CUTC: variants seen among roughly 807,000 people sequenced by gnomAD.
CUTC encodes the protein cutC copper transporter.
Under a neutral mutation model 36.2 loss-of-function variants are expected in CUTC, and 27 were observed. The ratio of observed to expected loss-of-function variants is 0.75; its 90% CI spans 0.55 to 1.03. CUTC has a LOEUF of 1.03. Ranked by LOEUF, CUTC falls within the 50% of genes least tolerant of loss-of-function variation. The probability of loss-of-function intolerance (pLI) is 0.00; values close to 1 mark genes in which losing one functional copy is unlikely to be tolerated. For synonymous variants in CUTC, 114 were observed against 118.3 expected (o/e 0.96, Z 0.24); for missense variants, 315 against 343.5 (o/e 0.92, Z 0.66).
intron 7 of CUTC, among the ~76,000 whole-genome samples, chr10:99,751,902 A>C (rs2037421728): frequency 1.3e-5 from 2 of 152,218 alleles, no homozygotes; most frequent in Non-Finnish European, 2.9e-5. Context: ...AAAATGTCCT[A>C]CTTTCTGGAT....
intron 7 of CUTC, among the ~76,000 whole-genome samples, chr10:99,751,701 T>A (rs2037419580): frequency 6.6e-6 from 1 of 151,990 alleles, no homozygotes; most frequent in South Asian, 2.1e-4. Flanking sequence ...CTACTAAAAA[T>A]ACAAAAATTA....
intron 2 of CUTC, among the ~76,000 whole-genome samples, chr10:99,739,478 A>G (rs1425009420): frequency 6.6e-6 from 1 of 152,096 alleles, no homozygotes; most frequent in Non-Finnish European, 1.5e-5. Context: ...ACAAAAATTT[A>G]AGAGAACTAG....
At chr10:99,750,131 T>C (rs1247892785) in intron 6 of CUTC, among the ~76,000 whole-genome samples, 2 of 152,076 alleles carry the variant, frequency 1.3e-5, no homozygotes, top group Non-Finnish European at 2.9e-5. Context: ...AAAATGGCAC[T>C]TATTGGGGGG....
At chr10:99,750,930 A>G (rs939330189) in intron 7 of CUTC, among the ~76,000 whole-genome samples, 2 of 152,246 alleles carry the variant, frequency 1.3e-5, no homozygotes, top group African/African-American at 4.8e-5. Context: ...CATAATGGCT[A>G]ACTAGAAATG....
chr10:99,755,929 TG>T lies in CUTC; in HGVS notation c.*191del, dbSNP rs1419800819. ...GAAACAGAGATACAGTCACTTCCTTTGCTTAGTCTTACCAGTGATTGTCATC... is the reference window on the plus strand; with the variant it reads ...GAAACAGAGATACAGTCACTTCCTTTCTTAGTCTTACCAGTGATTGTCATC... On this transcript the variant is annotated 3_prime_UTR_variant, in exon 9 of 9. Transcript: ENST00000370476. 3.7e-6 allele frequency: 2 copies of T among 535,306 alleles called. No individual in the cohort carries two copies. Among genetic ancestry groups the T allele is most frequent in the East Asian group, 6.0e-5 (2 of 33,194 alleles). 33.2% of individuals were successfully genotyped at this position (535,306 alleles called of 1,614,324 possible).
rs113741983 is a variant in CUTC, at chr10:99,741,811, A to G, written c.194-1342A>G. On this transcript the variant is annotated intron_variant, in intron 3 of 8. Coordinates refer to ENST00000370476, the MANE Select transcript of CUTC (RefSeq NM_015960.3). Reference sequence around the variant, plus strand: ...GGTCTTGAACTCCTTGCCTCAGGCAATCCACCCATCTCAGCCTCCCAAAGC... The same window carrying G: ...GGTCTTGAACTCCTTGCCTCAGGCAGTCCACCCATCTCAGCCTCCCAAAGC... 7.4e-3 allele frequency among the ~76,000 whole-genome samples: 1,130 copies of G among 152,242 alleles called. 8 individuals carry two copies. The highest frequency in any genetic ancestry group is 0.01 in the Non-Finnish European group (710 of 67,998).
rs2037420178 is a variant in CUTC, at chr10:99,751,766, GA to G, written c.601+1371del. The stretch of plus-strand genomic sequence containing the variant: ...CCAGCTACTTGGGAGGCTGAGGCAT[GA>G]GCATCACTTGAACCAAGGAGGCGGA... On this transcript the variant is annotated intron_variant, in intron 7 of 8. Coordinates refer to ENST00000370476, the MANE Select transcript of CUTC (RefSeq NM_015960.3). Among the ~76,000 whole-genome samples, 5 of 152,346 alleles carry G rather than the reference GA, an allele frequency of 3.3e-5. 1 individual carries two copies. The South Asian group carries it at 1.0e-3, about 32-fold the overall frequency.
intron 7 of CUTC, 149 bp downstream of exon 7, chr10:99,750,545 G>T (rs772429945): frequency 1.8e-5 from 9 of 492,094 alleles, no homozygotes; most frequent in African/African-American, 8.1e-5. Context: ...TGATTAAAAT[G>T]TTTAAAACTG....
chr10:99,734,845 A>G (rs938212012), intron 1 of CUTC, among the ~76,000 whole-genome samples: 4 of 152,090 alleles, frequency 2.6e-5, no homozygotes, highest in African/African-American at 4.8e-5. Context: ...GCTCATGCCT[A>G]TAATCCCAGC....
At position 99,755,812 on chromosome 10, in the gene CUTC, G is replaced by A; in HGVS notation, c.*73G>A. On this transcript the variant is annotated 3_prime_UTR_variant, in exon 9 of 9. Transcript: ENST00000370476. ...ATAATCTGCAATTCTCTATGACACA[G>A]CTTTAACCTTCTTCTCTGGCCAGGA... 6 of 961,606 alleles carry A rather than the reference G, an allele frequency of 6.2e-6. No homozygotes were observed. Among genetic ancestry groups the A allele is most frequent in the Non-Finnish European group, 8.2e-6 (5 of 608,726 alleles). 59.6% of individuals were successfully genotyped at this position (961,606 alleles called of 1,614,324 possible). A position where few individuals can be genotyped will look rare whatever the true frequency, so the allele number is the denominator to read the frequency against.
At position 99,755,785 on chromosome 10, in the gene CUTC, C is replaced by A. The variant is rs1175304242; in HGVS notation, c.*46C>A. The A allele has an allele frequency of 1.6e-6, 2 of 1,215,996 alleles. No homozygotes were observed. The highest frequency in any genetic ancestry group is 1.2e-6 in the Non-Finnish European group (1 of 823,656). The allele number at this position is 1,215,996 out of a possible 1,614,324, so 75.3% of individuals were successfully genotyped here. Reference sequence around the variant, plus strand: ...TGGATATCACAGGATGAAGGTAGAACTATAATCTGCAATTCTCTATGACAC... The same window carrying A: ...TGGATATCACAGGATGAAGGTAGAAATATAATCTGCAATTCTCTATGACAC... On this transcript the variant is annotated 3_prime_UTR_variant, in exon 9 of 9. Coordinates refer to ENST00000370476, the MANE Select transcript of CUTC (RefSeq NM_015960.3).
chr10:99,739,563 C>CA (rs1358976032), intron 2 of CUTC, 147 bp from the exon 3 acceptor site: 8 of 698,970 alleles, frequency 1.1e-5, no homozygotes, highest in Non-Finnish European at 1.9e-5. Context: ...GAGTTAAAAA[C>CA]AGAGTTTTAC....
At chr10:99,748,560 C>A (rs1164007417) in intron 6 of CUTC, among the ~76,000 whole-genome samples, 1 of 152,140 alleles carries the variant, frequency 6.6e-6, no homozygotes, top group Non-Finnish European at 1.5e-5. Flanking sequence ...CAATTTAGTG[C>A]AGAACAGGCA....
intron 3 of CUTC, among the ~76,000 whole-genome samples, chr10:99,740,458 T>C (rs545863834): frequency 2.0e-5 from 3 of 152,130 alleles, no homozygotes; most frequent in Non-Finnish European, 4.4e-5. Flanking sequence ...TGAAGATGTT[T>C]TTCCATTGTC....
At chr10:99,747,481 A>G in intron 6 of CUTC, 91 bp downstream of exon 6, 2 of 1,452,426 alleles carry the variant, frequency 1.4e-6, no homozygotes, top group Non-Finnish European at 1.9e-6. Flanking sequence ...ACTATATATT[A>G]CTGACTTTGT....
At chr10:99,755,241 G>A (rs532022094) in intron 8 of CUTC, among the ~76,000 whole-genome samples, 15 of 152,046 alleles carry the variant, frequency 9.9e-5, no homozygotes, top group African/African-American at 3.1e-4. Context: ...TAATCCCAGC[G>A]CTTTGGGAGG....
At chr10:99,750,862 T>C (rs1299604269) in intron 7 of CUTC, among the ~76,000 whole-genome samples, 1 of 152,222 alleles carries the variant, frequency 6.6e-6, no homozygotes, top group Non-Finnish European at 1.5e-5. Context: ...CCAAATTATT[T>C]CTTGTAACCA....
intron 7 of CUTC, among the ~76,000 whole-genome samples, chr10:99,754,323 A>G (rs558646027): frequency 6.6e-6 from 1 of 152,316 alleles, no homozygotes; most frequent in East Asian, 1.9e-4. Flanking sequence ...TGTTCTATAA[A>G]CTTAATGGTA....
At chr10:99,744,910 G>A (rs1436392285) in intron 5 of CUTC, among the ~76,000 whole-genome samples, 2 of 152,068 alleles carry the variant, frequency 1.3e-5, no homozygotes, top group African/African-American at 2.4e-5. Context: ...CTGCCACCAT[G>A]CCCAGCTAAT....
Sources: gnomAD v4.1 joint callset for allele counts (sites outside exome capture counted in the v4.1 genomes callset) on GRCh38, gnomAD v4.1.1 for gene constraint, MANE v1.5 for transcripts, NCBI Gene and HGNC (gene_info 2026-07-23, HGNC 2026-07-21) for gene names.